ATP6V1H: variants seen among roughly 807,000 people sequenced by gnomAD.
ATP6V1H encodes V-type proton ATPase subunit H.
In ATP6V1H, 39 loss-of-function variants were observed where a neutral mutation model predicts 71.7. The observed-to-expected ratio is 0.54, with a 90% CI of 0.42 to 0.71. The LOEUF is 0.71. Ranked by LOEUF, ATP6V1H falls within the 30% of genes least tolerant of loss-of-function variation. ATP6V1H has a pLI of 0.00. For missense variants in ATP6V1H, 509 were observed against 594.9 expected (o/e 0.86, Z 1.50); for synonymous variants, 192 against 199.3 (o/e 0.96, Z 0.31).
chr8:53,826,363 T>C (rs118070187), intron 4 of ATP6V1H, among the ~76,000 whole-genome samples: 3,445 of 152,330 alleles, frequency 0.023, 62 homozygotes, highest in Non-Finnish European at 0.037. Flanking sequence ...CTTTGCTTCA[T>C]GATTTCTAAT....
intron 2 of ATP6V1H, among the ~76,000 whole-genome samples, chr8:53,837,648 A>G (rs1172791943): frequency 1.3e-5 from 2 of 152,180 alleles, no homozygotes; most frequent in Non-Finnish European, 2.9e-5. Context: ...TATGTGAGAA[A>G]GATCAAGAAG....
intron 8 of ATP6V1H, among the ~76,000 whole-genome samples, chr8:53,799,465 C>T (rs553718551): frequency 2.6e-5 from 4 of 152,086 alleles, no homozygotes; most frequent in South Asian, 4.1e-4. Context: ...TTCACCTTTA[C>T]GTTTCTGTGC....
At position 53,739,396 on chromosome 8, in the gene ATP6V1H, T is replaced by A. The variant is rs186596298; in HGVS notation, c.1391+4181A>T. On this transcript the variant is annotated intron_variant, in intron 13 of 13. Coordinates refer to ENST00000359530, the MANE Select transcript of ATP6V1H (RefSeq NM_015941.4). Reference sequence around the variant, plus strand: ...ACACCAGAGAACAAAGTAATATCCATACCCTTGGCCTGGTGAGTTTTTCTG... The same window carrying A: ...ACACCAGAGAACAAAGTAATATCCAAACCCTTGGCCTGGTGAGTTTTTCTG... 2.3e-3 allele frequency among the ~76,000 whole-genome samples: 346 copies of A among 152,304 alleles called. 2 individuals carry two copies. Among genetic ancestry groups the A allele is most frequent in the African/African-American group, 8.1e-3 (335 of 41,562 alleles).
At chr8:53,728,861 C>G (rs1241894656) in intron 13 of ATP6V1H, among the ~76,000 whole-genome samples, 1 of 152,214 alleles carries the variant, frequency 6.6e-6, no homozygotes, top group African/African-American at 2.4e-5. Flanking sequence ...TCGGTCCTAT[C>G]TAAGCATGCA....
intron 9 of ATP6V1H, among the ~76,000 whole-genome samples, chr8:53,773,654 G>A (rs979469856): frequency 6.6e-6 from 1 of 152,146 alleles, no homozygotes; most frequent in Admixed American, 6.5e-5. Context: ...GCTAAGGCTG[G>A]GGGGAGCCCC....
intron 9 of ATP6V1H, among the ~76,000 whole-genome samples, chr8:53,782,733 TGA>T (rs1809204088): frequency 6.6e-6 from 1 of 152,204 alleles, no homozygotes; most frequent in South Asian, 2.1e-4. Context: ...CCTAATTTAT[TGA>T]GAGTTTTTAG....
At chr8:53,833,926 A>G (rs7016502) in intron 2 of ATP6V1H, among the ~76,000 whole-genome samples, 109,403 of 151,968 alleles carry the variant, frequency 0.72, 40,823 homozygotes, top group African/African-American at 0.92. Flanking sequence ...TTTGAAAATG[A>G]TAAGACTATC....
intron 12 of ATP6V1H, among the ~76,000 whole-genome samples, chr8:53,745,581 G>A (rs1264592577): frequency 1.3e-5 from 2 of 152,038 alleles, no homozygotes; most frequent in Non-Finnish European, 2.9e-5. Context: ...CCTGGCTGAA[G>A]GAACCTTCTC....
intron 13 of ATP6V1H, among the ~76,000 whole-genome samples, chr8:53,740,212 A>G (rs1256075771): frequency 6.6e-6 from 1 of 152,228 alleles, no homozygotes; most frequent in Non-Finnish European, 1.5e-5. Flanking sequence ...ACCCAGTTCC[A>G]TGATTTCATA....
At chr8:53,839,861 G>T (rs1176212885) in intron 2 of ATP6V1H, 3 of 985,476 alleles carry the variant, frequency 3.0e-6, no homozygotes, top group Non-Finnish European at 3.6e-6. Context: ...GAAAAGCACT[G>T]ACTGATAGGA....
At chr8:53,834,638 C>A (rs1811101787) in intron 2 of ATP6V1H, among the ~76,000 whole-genome samples, 1 of 152,018 alleles carries the variant, frequency 6.6e-6, no homozygotes, top group Non-Finnish European at 1.5e-5. Context: ...ATTGGCCGGG[C>A]TGCTCTCGAA....
intron 12 of ATP6V1H, among the ~76,000 whole-genome samples, chr8:53,750,512 A>C (rs567797580): frequency 6.6e-6 from 1 of 152,222 alleles, no homozygotes; most frequent in Non-Finnish European, 1.5e-5. Context: ...GCTGTCACTT[A>C]AAGTCTCAGT....
intron 12 of ATP6V1H, among the ~76,000 whole-genome samples, chr8:53,746,781 GTGAGA>G (rs1469596310): frequency 6.6e-6 from 1 of 151,592 alleles, no homozygotes; most frequent in Non-Finnish European, 1.5e-5. Context: ...TGAAAAAAAG[GTGAGA>G]AAAGAATCTT....
At chr8:53,757,647 A>G (rs1215770159) in intron 11 of ATP6V1H, among the ~76,000 whole-genome samples, 1 of 152,250 alleles carries the variant, frequency 6.6e-6, no homozygotes, top group African/African-American at 2.4e-5. Context: ...GCAACTCAGA[A>G]ATAGATACAC....
intron 4 of ATP6V1H, among the ~76,000 whole-genome samples, chr8:53,828,387 T>C (rs1810890083): frequency 6.6e-6 from 1 of 152,220 alleles, no homozygotes; most frequent in Non-Finnish European, 1.5e-5. Context: ...GCTACCAGCA[T>C]GTCATGGTGT....
At chr8:53,774,888 GAAA>G (rs1808807197) in intron 9 of ATP6V1H, among the ~76,000 whole-genome samples, 1 of 152,154 alleles carries the variant, frequency 6.6e-6, no homozygotes, top group African/African-American at 2.4e-5. Flanking sequence ...AAATCAGAGA[GAAA>G]CATAAAGAAG....
chr8:53,730,884 T>C (rs1306447234), intron 13 of ATP6V1H, among the ~76,000 whole-genome samples: 1 of 152,190 alleles, frequency 6.6e-6, no homozygotes, highest in African/African-American at 2.4e-5. Flanking sequence ...TGAAGGGCTC[T>C]GGCTCTTTCA....
chr8:53,795,852 C>A lies in ATP6V1H; in HGVS notation c.678-13G>T, dbSNP rs765394672. ...CACTCCCATTATGCTGAAAAACAAA[C>A]AAACAAAAAAAACACATTTACAAAA... On this transcript the variant is annotated splice_polypyrimidine_tract_variant and intron_variant, in intron 8 of 13. Coordinates refer to ENST00000359530, the MANE Select transcript of ATP6V1H (RefSeq NM_015941.4). 4.5e-6 allele frequency: 7 copies of A among 1,570,388 alleles called. No homozygotes were observed. The Admixed American group carries it at 8.4e-5, about 19-fold the overall frequency.
chr8:53,749,989 C>G (rs1807737019), intron 12 of ATP6V1H, among the ~76,000 whole-genome samples: 1 of 152,144 alleles, frequency 6.6e-6, no homozygotes. Flanking sequence ...AGCAATGGAA[C>G]AGTTTTATTC....
Sources: allele counts gnomAD v4.1 joint callset (sites outside exome capture counted in the v4.1 genomes callset), GRCh38; gene constraint gnomAD v4.1.1; transcripts MANE v1.5; gene names NCBI Gene and HGNC (gene_info 2026-07-23, HGNC 2026-07-21).